Variants in SCFD2 observed in about 807,000 individuals in gnomAD.
SCFD2 encodes sec1 family domain containing 2.
A neutral mutation model predicts 58.9 loss-of-function variants in SCFD2; 54 were observed. The ratio of observed to expected loss-of-function variants is 0.92; its 90% CI spans 0.74 to 1.15. SCFD2 has a LOEUF of 1.15. Ranked by LOEUF, SCFD2 falls within the 50% of genes most tolerant of loss-of-function variation. SCFD2 has a pLI of 0.00. For missense variants in SCFD2, 805 were observed against 836.6 expected, an observed-to-expected ratio of 0.96 and a Z score of 0.47; for synonymous variants, 321 against 335.9, an observed-to-expected ratio of 0.96 and a Z score of 0.49.
At chr4:53,206,702 G>A (rs1577839951) in intron 4 of SCFD2, among the ~76,000 whole-genome samples, 1 of 151,924 alleles carries the variant, frequency 6.6e-6, no homozygotes, top group Admixed American at 6.6e-5. Context: ...ATAATTTAAT[G>A]GTCATGGAAC....
chr4:53,212,846 T>A (rs1486330314), intron 4 of SCFD2, among the ~76,000 whole-genome samples: 1 of 151,970 alleles, frequency 6.6e-6, no homozygotes, highest in Non-Finnish European at 1.5e-5. Context: ...ATCACAATGA[T>A]TACACGGTTT....
At chr4:53,252,631 G>C (rs1239096882) in intron 4 of SCFD2, among the ~76,000 whole-genome samples, 1 of 151,846 alleles carries the variant, frequency 6.6e-6, no homozygotes, top group Non-Finnish European at 1.5e-5. Context: ...ACAAGCAATG[G>C]GGAAAGGATT....
chr4:52,966,770 T>C (rs2109546786), intron 5 of SCFD2, among the ~76,000 whole-genome samples: 1 of 152,352 alleles, frequency 6.6e-6, no homozygotes, highest in Middle Eastern at 3.4e-3. Context: ...GAACCAATAT[T>C]GATACATTTT....
chr4:53,092,893 C>A (rs972732941), intron 5 of SCFD2, among the ~76,000 whole-genome samples: 2 of 151,826 alleles, frequency 1.3e-5, no homozygotes, highest in African/African-American at 4.8e-5. Flanking sequence ...AAACAGAGGG[C>A]CCAAATGGGG....
rs548756527 is a variant in SCFD2, at chr4:53,336,329, T to G, written c.1007+16269A>C. 1.4e-4 allele frequency among the ~76,000 whole-genome samples: 21 copies of G among 152,272 alleles called. 1 individual carries two copies. Among genetic ancestry groups the G allele is most frequent in the African/African-American group, 4.3e-4 (18 of 41,560 alleles). On this transcript the variant is annotated intron_variant, in intron 2 of 8. Transcript: ENST00000401642. Reference sequence around the variant, plus strand: ...AAAGAAAGTGATATTATTCTATTTATCGAATGATGGCTTTCTATAAAGTAC... The same window carrying G: ...AAAGAAAGTGATATTATTCTATTTAGCGAATGATGGCTTTCTATAAAGTAC...
intron 5 of SCFD2, among the ~76,000 whole-genome samples, chr4:53,090,732 G>C (rs1330135600): frequency 6.6e-6 from 1 of 152,164 alleles, no homozygotes; most frequent in African/African-American, 2.4e-5. Flanking sequence ...AAACAGACTA[G>C]ATCCCTGCCC....
intron 5 of SCFD2, among the ~76,000 whole-genome samples, chr4:53,130,859 T>G (rs985244312): frequency 3.3e-5 from 5 of 152,080 alleles, no homozygotes; most frequent in African/African-American, 1.2e-4. Context: ...GAACACTAAC[T>G]AAAAATGCAG....
intron 2 of SCFD2, among the ~76,000 whole-genome samples, chr4:53,332,824 G>C (rs926942844): frequency 4.6e-5 from 7 of 150,758 alleles, no homozygotes; most frequent in African/African-American, 1.7e-4. Context: ...GTTTGCAGAC[G>C]ACATGATTGT....
intron 4 of SCFD2, among the ~76,000 whole-genome samples, chr4:53,236,814 T>G (rs1729630606): frequency 2.0e-5 from 2 of 100,924 alleles, no homozygotes; most frequent in Non-Finnish European, 4.2e-5. Flanking sequence ...ACTGTTTTAT[T>G]TATTTATTTA....
chr4:53,070,707 G>A (rs745802285), intron 5 of SCFD2, among the ~76,000 whole-genome samples: 5 of 152,046 alleles, frequency 3.3e-5, no homozygotes, highest in Non-Finnish European at 7.4e-5. Flanking sequence ...AGCACAGGTA[G>A]AAGATGATCT....
At chr4:52,981,794 G>T (rs1308173704) in intron 5 of SCFD2, among the ~76,000 whole-genome samples, 1 of 152,132 alleles carries the variant, frequency 6.6e-6, no homozygotes, top group Non-Finnish European at 1.5e-5. Flanking sequence ...ATTCCAAGAT[G>T]AATGGGCAGC....
intron 1 of SCFD2, among the ~76,000 whole-genome samples, chr4:53,358,273 A>G (rs1734454926): frequency 6.6e-6 from 1 of 152,198 alleles, no homozygotes; most frequent in East Asian, 1.9e-4. Flanking sequence ...AGCTGCCTGT[A>G]ATGCCAAAAC....
chr4:53,363,397 C>A (rs529536917), intron 1 of SCFD2, among the ~76,000 whole-genome samples: 2 of 152,020 alleles, frequency 1.3e-5, no homozygotes, highest in Non-Finnish European at 1.5e-5. Flanking sequence ...AGTCTGCCCC[C>A]CTCAGCCTCC....
chr4:53,121,482 C>A (rs536383860), intron 5 of SCFD2, among the ~76,000 whole-genome samples: 1 of 152,172 alleles, frequency 6.6e-6, no homozygotes, highest in Admixed American at 6.5e-5. Context: ...AACAGGGCTC[C>A]AGAACAGCTA....
chr4:53,344,974 T>G (rs919368818), intron 2 of SCFD2, among the ~76,000 whole-genome samples: 3 of 152,144 alleles, frequency 2.0e-5, no homozygotes, highest in Non-Finnish European at 4.4e-5. Context: ...ACTTAAATAT[T>G]AGGCCTAAAA....
At chr4:52,902,735 A>G (rs1719235688) in intron 7 of SCFD2, among the ~76,000 whole-genome samples, 1 of 152,204 alleles carries the variant, frequency 6.6e-6, no homozygotes, top group East Asian at 1.9e-4. Flanking sequence ...AGTAGATGCT[A>G]TTATCATCCC....
At chr4:53,182,134 C>G (rs1260665376) in intron 4 of SCFD2, among the ~76,000 whole-genome samples, 1 of 152,130 alleles carries the variant, frequency 6.6e-6, no homozygotes, top group Admixed American at 6.6e-5. Flanking sequence ...ACTTTCTTCA[C>G]AGAATTGGAA....
intron 4 of SCFD2, among the ~76,000 whole-genome samples, chr4:53,164,717 G>T (rs1726952914): frequency 6.6e-6 from 1 of 151,330 alleles, no homozygotes; most frequent in Non-Finnish European, 1.5e-5. Context: ...ACTTGAACCT[G>T]GAGGTGGAGG....
intron 4 of SCFD2, among the ~76,000 whole-genome samples, chr4:53,176,102 T>C (rs567353614): frequency 2.0e-5 from 3 of 152,318 alleles, no homozygotes; most frequent in African/African-American, 2.4e-5. Flanking sequence ...GTGTTCTCAA[T>C]GTTGAAGATA....
Sources: gnomAD v4.1 joint callset for allele counts (sites outside exome capture counted in the v4.1 genomes callset) on GRCh38, gnomAD v4.1.1 for gene constraint, MANE v1.5 for transcripts, NCBI Gene and HGNC (gene_info 2026-07-23, HGNC 2026-07-21) for gene names.